The following CCDC102B variants were observed in gnomAD, a reference collection of about 807,000 sequenced individuals.
CCDC102B encodes the protein coiled-coil domain-containing protein 102B.
In CCDC102B, 75 loss-of-function variants were observed where a neutral mutation model predicts 57.4. The ratio of observed to expected loss-of-function variants is 1.31; its 90% CI spans 1.08 to 1.58. CCDC102B has a LOEUF of 1.58. Among genes scored for constraint, CCDC102B ranks in the 40% most tolerant of loss-of-function variants. CCDC102B has a pLI of 0.00. For missense variants in CCDC102B, 636 were observed against 582.6 expected (o/e 1.09, Z -0.94); for synonymous variants, 206 against 201.9 (o/e 1.02, Z -0.17).
intron 6 of CCDC102B, among the ~76,000 whole-genome samples, chr18:68,904,271 T>A (rs1264989822): frequency 6.6e-6 from 1 of 152,186 alleles, no homozygotes; most frequent in African/African-American, 2.4e-5. Context: ...GAGGTTTTGA[T>A]ATATGGAAAA....
intron 4 of CCDC102B, among the ~76,000 whole-genome samples, chr18:68,861,260 T>C (rs1405199980): frequency 6.6e-6 from 1 of 151,328 alleles, no homozygotes; most frequent in African/African-American, 2.4e-5. Context: ...CCGTGCTTAT[T>C]TTATCACTTG....
intron 4 of CCDC102B, among the ~76,000 whole-genome samples, chr18:68,871,619 A>C (rs1050755104): frequency 3.3e-5 from 5 of 152,006 alleles, no homozygotes; most frequent in African/African-American, 1.2e-4. Flanking sequence ...ATAATATTTT[A>C]TTTATTACTT....
At chr18:68,964,085 T>C (rs1018399811) in intron 6 of CCDC102B, among the ~76,000 whole-genome samples, 9 of 151,942 alleles carry the variant, frequency 5.9e-5, no homozygotes, top group Non-Finnish European at 1.0e-4. Flanking sequence ...CTCTAATTGC[T>C]TTACTTATTA....
At chr18:68,969,788 G>A (rs1355762497) in intron 6 of CCDC102B, among the ~76,000 whole-genome samples, 1 of 151,706 alleles carries the variant, frequency 6.6e-6, no homozygotes, top group African/African-American at 2.4e-5. Context: ...TTATCAATTT[G>A]TATTTCAGGA....
chr18:68,769,441 A>T (rs2144609608), intron 2 of CCDC102B, among the ~76,000 whole-genome samples: 1 of 152,166 alleles, frequency 6.6e-6, no homozygotes, highest in East Asian at 1.9e-4. Flanking sequence ...GAGGTTCAAC[A>T]TATGAGTTTA....
intron 7 of CCDC102B, among the ~76,000 whole-genome samples, chr18:69,031,001 A>G (rs911622088): frequency 6.6e-6 from 1 of 152,142 alleles, no homozygotes; most frequent in Non-Finnish European, 1.5e-5. Context: ...AATTCCATGA[A>G]ATTAAGGTTT....
At chr18:68,926,499 G>A (rs2041480185) in intron 6 of CCDC102B, among the ~76,000 whole-genome samples, 1 of 151,708 alleles carries the variant, frequency 6.6e-6, no homozygotes, top group Admixed American at 6.6e-5. Flanking sequence ...GTATTTTATA[G>A]GAGGCAGAAG....
chr18:68,918,415 A>G (rs2041153843), intron 6 of CCDC102B, among the ~76,000 whole-genome samples: 1 of 152,168 alleles, frequency 6.6e-6, no homozygotes, highest in South Asian at 2.1e-4. Context: ...GTCTACCTCC[A>G]GGTGAGTGAT....
At chr18:68,924,468 T>A (rs963816873) in intron 6 of CCDC102B, among the ~76,000 whole-genome samples, 2 of 152,028 alleles carry the variant, frequency 1.3e-5, no homozygotes, top group Admixed American at 6.6e-5. Flanking sequence ...TTTCCTGAGG[T>A]CTCCCCAGCT....
chr18:68,948,741 G>C (rs2049609133), intron 6 of CCDC102B, among the ~76,000 whole-genome samples: 1 of 152,036 alleles, frequency 6.6e-6, no homozygotes, highest in Non-Finnish European at 1.5e-5. Context: ...CAGCTTTTCT[G>C]TCATACATAT....
At chr18:68,765,340 A>AGAAAGAAAGAAAGAAG (rs1491432635) in intron 2 of CCDC102B, among the ~76,000 whole-genome samples, 5 of 128,258 alleles carry the variant, frequency 3.9e-5, no homozygotes, top group Non-Finnish European at 6.8e-5. Flanking sequence ...AAAGAAAGAA[A>AGAAAGAAAGAAAGAAG]GAAAGAAAGA....
chr18:68,996,977 T>A (rs1158984041), intron 6 of CCDC102B, among the ~76,000 whole-genome samples: 1 of 152,190 alleles, frequency 6.6e-6, no homozygotes, highest in African/African-American at 2.4e-5. Context: ...AATTGAATTA[T>A]GGGGGTGATT....
intron 6 of CCDC102B, among the ~76,000 whole-genome samples, chr18:68,935,857 GT>G (rs1165029325): frequency 6.6e-6 from 1 of 151,872 alleles, no homozygotes; most frequent in Non-Finnish European, 1.5e-5. Flanking sequence ...AGAGATGATA[GT>G]GGGTTCACCT....
At chr18:69,039,289 A>G (rs2052372192) in intron 7 of CCDC102B, among the ~76,000 whole-genome samples, 1 of 152,022 alleles carries the variant, frequency 6.6e-6, no homozygotes, top group South Asian at 2.1e-4. Flanking sequence ...TTAACATTAT[A>G]TAGTTATATC....
intron 2 of CCDC102B, among the ~76,000 whole-genome samples, chr18:68,741,699 ACACACACACACACACC>A (rs759174644): frequency 0.038 from 4,829 of 127,390 alleles, 126 homozygotes; most frequent in African/African-American, 0.089. Context: ...ACACACACAC[ACACACACACACACACC>A]CCAAGACAAT....
intron 2 of CCDC102B, among the ~76,000 whole-genome samples, chr18:68,765,998 C>A (rs1363475608): frequency 3.9e-5 from 6 of 151,900 alleles, no homozygotes; most frequent in Admixed American, 3.9e-4. Flanking sequence ...TCCAATTGAA[C>A]AAAATTTTCC....
chr18:68,999,486 A>T (rs995791366), intron 6 of CCDC102B, among the ~76,000 whole-genome samples: 1 of 151,796 alleles, frequency 6.6e-6, no homozygotes, highest in Non-Finnish European at 1.5e-5. Context: ...CATGCCTGTA[A>T]TGCCAGCTAC....
At chr18:69,011,945 A>C (rs1051082434) in intron 7 of CCDC102B, among the ~76,000 whole-genome samples, 4 of 152,218 alleles carry the variant, frequency 2.6e-5, no homozygotes, top group African/African-American at 9.7e-5. Context: ...ATTTGTTTTT[A>C]GTAAAAACAA....
At chr18:68,834,187 A>G (rs1002823158) in intron 1 of CCDC102B, among the ~76,000 whole-genome samples, 2 of 152,118 alleles carry the variant, frequency 1.3e-5, no homozygotes, top group Non-Finnish European at 2.9e-5. Context: ...GTTAATTGGT[A>G]GGCAAGATCT....
Sources: gnomAD v4.1 joint callset for allele counts (sites outside exome capture counted in the v4.1 genomes callset) on GRCh38, gnomAD v4.1.1 for gene constraint, MANE v1.5 for transcripts, NCBI Gene and HGNC (gene_info 2026-07-23, HGNC 2026-07-21) for gene names.